The following STARD13 variants were observed in gnomAD, a reference collection of about 807,000 sequenced individuals.
STARD13 encodes the protein StAR related lipid transfer domain containing 13.
STARD13 carries 62 observed loss-of-function variants against 106.4 expected under a neutral mutation model. The observed-to-expected ratio is 0.58, with a 90% CI of 0.48 to 0.72. The LOEUF is 0.72. Among genes scored for constraint, STARD13 ranks in the 30% least tolerant of loss-of-function variants. The probability of loss-of-function intolerance (pLI) is 0.00; values close to 1 mark genes in which losing one functional copy is unlikely to be tolerated. For missense variants in STARD13, 1,387 were observed against 1,424.0 expected, an observed-to-expected ratio of 0.97 and a Z score of 0.42; for synonymous variants, 565 against 553.0, an observed-to-expected ratio of 1.02 and a Z score of -0.31.
chr13:33,547,038 A>G, the STARD13 span, among the ~76,000 whole-genome samples: 1 of 152,242 alleles, frequency 6.6e-6, no homozygotes, highest in African/African-American at 2.4e-5. Flanking sequence ...ATACTTTAGA[A>G]AAAGTGAAAA....
At chr13:33,243,677 G>A (rs1417355310) in intron 1 of STARD13, among the ~76,000 whole-genome samples, 9 of 152,180 alleles carry the variant, frequency 5.9e-5, no homozygotes, top group Non-Finnish European at 8.8e-5. Context: ...GGGAGTGGTG[G>A]AGATGGGTGG....
chr13:33,319,631 G>A (rs900513483), intron 1 of STARD13, among the ~76,000 whole-genome samples: 2 of 152,150 alleles, frequency 1.3e-5, no homozygotes, highest in African/African-American at 4.8e-5. Context: ...AATGGGACAA[G>A]CACTGAATCA....
intron 1 of STARD13, among the ~76,000 whole-genome samples, chr13:33,173,121 C>T (rs1317485928): frequency 6.6e-6 from 1 of 152,188 alleles, no homozygotes; most frequent in Non-Finnish European, 1.5e-5. Flanking sequence ...CACAAGATGC[C>T]TGCAGTGGAT....
the STARD13 span, among the ~76,000 whole-genome samples, chr13:33,642,417 G>T: frequency 6.6e-6 from 1 of 152,234 alleles, no homozygotes; most frequent in Non-Finnish European, 1.5e-5. Flanking sequence ...CAAAGCTCCA[G>T]CCAGGGAGAA....
At chr13:33,271,343 C>A (rs9536949) in intron 1 of STARD13, 1 of 152,098 alleles carries the variant, frequency 6.6e-6, no homozygotes, top group Non-Finnish European at 1.5e-5. Context: ...CAATTCCCAC[C>A]TCACTCCTTG....
At chr13:33,663,844 C>T in the STARD13 span, among the ~76,000 whole-genome samples, 3 of 152,142 alleles carry the variant, frequency 2.0e-5, no homozygotes, top group Non-Finnish European at 4.4e-5. Flanking sequence ...CAAGAAACCC[C>T]GGGTTCCAAA....
the STARD13 span, among the ~76,000 whole-genome samples, chr13:33,428,538 C>T: frequency 3.9e-5 from 6 of 152,114 alleles, no homozygotes; most frequent in South Asian, 1.0e-3. Flanking sequence ...AGAAGACATA[C>T]AAATGGCCAA....
intron 1 of STARD13, among the ~76,000 whole-genome samples, chr13:33,327,274 C>G (rs1163483396): frequency 6.6e-6 from 1 of 152,166 alleles, no homozygotes; most frequent in African/African-American, 2.4e-5. Flanking sequence ...TTTTTAAATG[C>G]TGGCCAGCTT....
the STARD13 span, among the ~76,000 whole-genome samples, chr13:33,437,279 C>G: frequency 2.6e-5 from 4 of 152,180 alleles, no homozygotes; most frequent in Non-Finnish European, 5.9e-5. Flanking sequence ...CGTGTACCCC[C>G]TGCTTGCTCA....
At chr13:33,637,466 C>A in the STARD13 span, among the ~76,000 whole-genome samples, 1 of 152,196 alleles carries the variant, frequency 6.6e-6, no homozygotes, top group African/African-American at 2.4e-5. Context: ...GGATAAACAG[C>A]CACAGGGTAT....
At position 33,130,820 on chromosome 13, in the gene STARD13, G is replaced by A. The variant is rs751904705; in HGVS notation, c.388-531C>T. On this transcript the variant is annotated intron_variant, in intron 4 of 13. Transcript: ENST00000336934. This position sits in a 1 kb window ranked among gnomAD's most constrained non-coding sequence, Gnocchi z 4.1. ...TAGTCCCCTGCACTTGATTCTTATC[G>A]TGTATTCCCTGGATAAGGTAACAGC... Among the ~76,000 whole-genome samples the A allele has an allele frequency of 3.9e-5, 6 of 152,110 alleles. No homozygotes were observed. The highest frequency in any genetic ancestry group is 1.9e-4 in the East Asian group (1 of 5,176).
chr13:33,561,867 A>C, the STARD13 span, among the ~76,000 whole-genome samples: 2 of 146,934 alleles, frequency 1.4e-5, 1 homozygote, highest in Non-Finnish European at 3.0e-5. Flanking sequence ...ATGTGCTGTC[A>C]TTTCTTTCTG....
the STARD13 span, among the ~76,000 whole-genome samples, chr13:33,514,774 A>G: frequency 2.8e-3 from 422 of 152,226 alleles, 5 homozygotes; most frequent in East Asian, 0.038. Flanking sequence ...TGGATTCCAA[A>G]CAGTCATAAC....
chr13:33,487,875 A>T, the STARD13 span, among the ~76,000 whole-genome samples: 2 of 152,168 alleles, frequency 1.3e-5, no homozygotes, highest in Non-Finnish European at 2.9e-5. Context: ...CATACAACCC[A>T]TCACTCAATG....
At chr13:33,225,182 G>A (rs1325117297) in intron 1 of STARD13, among the ~76,000 whole-genome samples, 1 of 152,130 alleles carries the variant, frequency 6.6e-6, no homozygotes, top group Non-Finnish European at 1.5e-5. Flanking sequence ...GTACTGTGAT[G>A]TTCTTGGTAC....
At chr13:33,552,613 T>C in the STARD13 span, among the ~76,000 whole-genome samples, 2 of 152,132 alleles carry the variant, frequency 1.3e-5, no homozygotes, top group African/African-American at 4.8e-5. Flanking sequence ...ACCTCAAAGC[T>C]GTTAAGAAAT....
At chr13:33,296,597 C>G (rs9537064) in intron 1 of STARD13, among the ~76,000 whole-genome samples, 37,632 of 152,030 alleles carry the variant, frequency 0.25, 5,179 homozygotes, top group East Asian at 0.68. Flanking sequence ...CTGGCAACCA[C>G]CATTCTACTC....
intron 1 of STARD13, among the ~76,000 whole-genome samples, chr13:33,202,396 G>T (rs1887103716): frequency 6.6e-6 from 1 of 152,184 alleles, no homozygotes; most frequent in African/African-American, 2.4e-5. Flanking sequence ...CCCAGAAGGT[G>T]TGTAATGACA....
the STARD13 span, among the ~76,000 whole-genome samples, chr13:33,460,386 G>A: frequency 1.3e-4 from 19 of 151,926 alleles, no homozygotes; most frequent in African/African-American, 4.6e-4. Context: ...AGGTACTCGG[G>A]AGGCTGAGGC....
Sources: allele counts gnomAD v4.1 joint callset (sites outside exome capture counted in the v4.1 genomes callset), GRCh38; gene constraint gnomAD v4.1.1; non-coding constraint Gnocchi (gnomAD v3.1); transcripts MANE v1.5; gene names NCBI Gene and HGNC (gene_info 2026-07-23, HGNC 2026-07-21).